The following RNF126 variants were observed in gnomAD, a reference collection of about 807,000 sequenced individuals.
RNF126 encodes the protein E3 ubiquitin-protein ligase RNF126.
RNF126 carries 20 observed loss-of-function variants against 41.9 expected under a neutral mutation model. The observed-to-expected ratio is 0.48, with a 90% CI of 0.34 to 0.69. The LOEUF is 0.69. Ranked by LOEUF, RNF126 falls within the 30% of genes least tolerant of loss-of-function variation. RNF126 has a pLI of 0.01. For synonymous variants in RNF126, 239 were observed against 202.9 expected (o/e 1.18, Z -1.51); for missense variants, 433 against 460.6 (o/e 0.94, Z 0.55).
intron 1 of RNF126, among the ~76,000 whole-genome samples, chr19:656,668 A>G (rs1041567448): frequency 9.2e-5 from 14 of 151,936 alleles, no homozygotes; most frequent in African/African-American, 2.4e-4. Context: ...AGAAAAAGGG[A>G]AAGGGGAAGG....
chr19:650,488 G>T, intron 4 of RNF126, 192 bp from the exon 5 acceptor site: 1 of 526,096 alleles, frequency 1.9e-6, no homozygotes, highest in Non-Finnish European at 3.3e-6. Context: ...CTTGATCTTG[G>T]TTCACTGCAG....
intron 4 of RNF126, chr19:651,312 C>T (rs1399980709): frequency 3.7e-6 from 1 of 267,344 alleles, no homozygotes; most frequent in East Asian, 7.3e-5. Context: ...CTGTTCTGGG[C>T]CCAAGGCCTG....
Position 649,220 on chromosome 19 carries a change from T to TGC in RNF126, c.577-246_577-245insGC, listed in dbSNP as rs1555680162. On this transcript the variant is annotated intron_variant, in intron 6 of 8. Transcript: ENST00000292363. ...CGCTCCTGGGTCCCTGACAGCGGAA[T>TGC]GGGGGGGGGGGCCGCGCTCCTGAGT... The TGC allele has an allele frequency of 5.6e-5, 7 of 125,728 alleles. No homozygotes were observed. The South Asian group carries it at 7.5e-4, about 13-fold the overall frequency. The allele number at this position is 125,728 out of a possible 1,614,324, so 7.8% of individuals were successfully genotyped here.
intron 1 of RNF126, among the ~76,000 whole-genome samples, chr19:661,888 C>T (rs909818872): frequency 1.3e-5 from 2 of 152,182 alleles, no homozygotes; most frequent in African/African-American, 4.8e-5. Flanking sequence ...GCTGGCCAAG[C>T]GGCTCCCGAC....
chr19:660,286 G>A (rs1468618621), intron 1 of RNF126, among the ~76,000 whole-genome samples: 1 of 152,264 alleles, frequency 6.6e-6, no homozygotes, highest in Non-Finnish European at 1.5e-5. Flanking sequence ...AGGCTGCCCA[G>A]CAGAGAATGA....
At chr19:648,324 C>A (rs373686703) in intron 8 of RNF126, 47 bp from the exon 9 acceptor site, 4 of 678,932 alleles carry the variant, frequency 5.9e-6, no homozygotes, top group Admixed American at 8.6e-5. Flanking sequence ...AGGTTAGAGG[C>A]GGGAGGGCCG....
In RNF126 at chr19:648,375, C is replaced by A; in HGVS notation, c.783G>T (p.Glu261Asp). The A allele has an allele frequency of 6.5e-7, 1 of 1,539,664 alleles. No individual in the cohort carries two copies. The change falls in exon 8 of 9, where the codon GAG (glutamate) becomes GAT (aspartate). Residue 261 changes from glutamate (E) to aspartate (D), a missense_variant. Physicochemically the swap from Glu to Asp is conservative, Grantham distance 45. Transcript: ENST00000292363. ...FHDGCIVPWL[E>D]QHDSCPVCRK... Reference sequence around the variant, plus strand: ...GGCGGGTGGGCGGGGCACTCACCTGCTCCAGCCAGGGCACGATGCAGCCGT... The same window carrying A: ...GGCGGGTGGGCGGGGCACTCACCTGATCCAGCCAGGGCACGATGCAGCCGT...
chr19:651,959 G>C (rs768273774), intron 3 of RNF126, 104 bp from the exon 4 acceptor site: 1 of 1,092,160 alleles, frequency 9.2e-7, no homozygotes, highest in Non-Finnish European at 1.3e-6. Context: ...GGCCCTGCTG[G>C]GTGCCGGGTG....
At chr19:651,511 AT>A in intron 4 of RNF126, 99 bp downstream of exon 4, 1 of 1,246,932 alleles carries the variant, frequency 8.0e-7, no homozygotes. Context: ...GAGCCTATGG[AT>A]GATGCCACGT....
chr19:658,249 C>A (rs1344120664), intron 1 of RNF126, among the ~76,000 whole-genome samples: 1 of 152,118 alleles, frequency 6.6e-6, no homozygotes, highest in Non-Finnish European at 1.5e-5. Flanking sequence ...CCTGGCAGGG[C>A]AGCAGAGGCC....
At chr19:650,584 C>CTTTTTT (rs34495183) in intron 4 of RNF126, 10 of 72,308 alleles carry the variant, frequency 1.4e-4, no homozygotes, top group African/African-American at 2.2e-4. Flanking sequence ...CTCTCGGCTA[C>CTTTTTT]TTTTTTTTTT....
intron 1 of RNF126, among the ~76,000 whole-genome samples, chr19:654,499 C>A (rs144653786): frequency 2.0e-5 from 3 of 150,482 alleles, no homozygotes; most frequent in African/African-American, 7.3e-5. Context: ...AAAAATTAGC[C>A]GGGTGTGGTG....
intron 1 of RNF126, among the ~76,000 whole-genome samples, chr19:654,910 C>T (rs982487260): frequency 3.5e-4 from 53 of 150,860 alleles, no homozygotes; most frequent in African/African-American, 1.2e-3. Context: ...GAGGCTGCAA[C>T]GAGCCGAGAT....
At chr19:651,544 T>G (rs1443909489) in intron 4 of RNF126, 67 bp downstream of exon 4, 3 of 1,358,268 alleles carry the variant, frequency 2.2e-6, no homozygotes, top group Middle Eastern at 2.8e-4. Flanking sequence ...CCGTGCTGGA[T>G]TCTAAGCGCC....
intron 4 of RNF126, among the ~76,000 whole-genome samples, chr19:650,889 G>A (rs768416894): frequency 1.3e-5 from 2 of 152,048 alleles, no homozygotes; most frequent in Non-Finnish European, 2.9e-5. Flanking sequence ...ACCTCACCCA[G>A]CCTCAGCTAC....
intron 3 of RNF126, 27 bp downstream of exon 3, chr19:652,206 G>GTCA (rs1568190992): frequency 1.3e-6 from 2 of 1,501,894 alleles, no homozygotes; most frequent in African/African-American, 1.4e-5. Flanking sequence ...TGACACGATC[G>GTCA]GGAAGCACGA....
At chr19:661,633 C>T (rs2030806694) in intron 1 of RNF126, among the ~76,000 whole-genome samples, 1 of 152,162 alleles carries the variant, frequency 6.6e-6, no homozygotes, top group South Asian at 2.1e-4. Flanking sequence ...CTCTAGCACT[C>T]GCTCCTCCTC....
At chr19:662,860 G>A (rs114314070) in intron 1 of RNF126, among the ~76,000 whole-genome samples, 187 bp downstream of exon 1, 1 of 152,044 alleles carries the variant, frequency 6.6e-6, no homozygotes, top group African/African-American at 2.4e-5. Context: ...TACAGGACGG[G>A]GTTCGCGCGC....
chr19:651,991 G>C, intron 3 of RNF126, 136 bp from the exon 4 acceptor site: 1 of 805,152 alleles, frequency 1.2e-6, no homozygotes. Flanking sequence ...CAGACAGGGA[G>C]GCAGGAATTG....
Sources: allele counts gnomAD v4.1 joint callset (sites outside exome capture counted in the v4.1 genomes callset), GRCh38; gene constraint gnomAD v4.1.1; transcripts MANE v1.5; gene names NCBI Gene and HGNC (gene_info 2026-07-23, HGNC 2026-07-21).